Variants in KLHL29 observed in about 807,000 individuals in gnomAD.
KLHL29 encodes kelch-like protein 29.
Under a neutral mutation model 80.4 loss-of-function variants are expected in KLHL29, and 21 were observed. The ratio of observed to expected loss-of-function variants is 0.26; its 90% CI spans 0.19 to 0.38. The LOEUF (loss-of-function observed/expected upper bound fraction) is 0.38, where lower values mean the gene tolerates loss of function less well. Ranked by LOEUF, KLHL29 falls within the 10% of genes least tolerant of loss-of-function variation. KLHL29 has a pLI of 1.00. For synonymous variants in KLHL29, 511 were observed against 526.8 expected (o/e 0.97, Z 0.41); for missense variants, 867 against 1,223.9 (o/e 0.71, Z 4.35).
At chr2:23,666,156 ACTCCCTGCCCTCAGGGGG>A (rs775448859) in intron 5 of KLHL29, among the ~76,000 whole-genome samples, 5 of 152,170 alleles carry the variant, frequency 3.3e-5, no homozygotes, top group Non-Finnish European at 5.9e-5. Flanking sequence ...AACAAACCAA[ACTCCCTGCCCTCAGGGGG>A]CTCATATTTG....
rs1192505232 is a variant in KLHL29, at chr2:23,708,320, A to G, written c.*1656A>G. On this transcript the variant is annotated 3_prime_UTR_variant, in exon 14 of 14. Transcript: ENST00000486442. ...GTCATTTAAAGTATTTATGTCAAAC[A>G]GGGTGCAAGTGTGAACCCAAGGACT... 3 of 152,256 alleles carry G rather than the reference A, an allele frequency of 2.0e-5. No individual in the cohort carries two copies. The highest frequency in any genetic ancestry group is 4.4e-5 in the Non-Finnish European group (3 of 68,046). 9.4% of individuals were successfully genotyped at this position (152,256 alleles called of 1,614,324 possible). A position where few individuals can be genotyped will look rare whatever the true frequency, so the allele number is the denominator to read the frequency against.
rs1671914067 is a variant in KLHL29, at chr2:23,695,776, C to T, written c.1696C>T (p.Arg566Cys). 1.9e-6 allele frequency: 3 copies of T among 1,551,278 alleles called. No homozygotes were observed. The highest frequency in any genetic ancestry group is 2.6e-6 in the Non-Finnish European group (3 of 1,146,976). The change falls in exon 9 of 14, where the codon CGC becomes TGC. Residue 566 changes from arginine (R) to cysteine (C), a missense_variant. Arg to Cys is a radical substitution (Grantham distance 180). Around this residue, in one of 2 missense-constraint regions of KLHL29, gnomAD observed 443 missense variants for 767.0 expected, o/e 0.58. Coordinates refer to ENST00000486442, the MANE Select transcript of KLHL29 (RefSeq NM_052920.2). This position sits in a 1 kb window ranked among gnomAD's most constrained non-coding sequence, Gnocchi z 7.6. The part of the protein sequence containing the change: ...AKRYHMLPHA[R>C]QEMQTPRTRP... ...ACGCTACCATATGCTGCCCCACGCC[C>T]GCCAGGAGATGCAGACGCCCCGAAC...
intron 1 of KLHL29, among the ~76,000 whole-genome samples, chr2:23,413,573 A>G (rs1291880010): frequency 1.3e-5 from 2 of 152,132 alleles, no homozygotes; most frequent in Non-Finnish European, 2.9e-5. Context: ...ATGCCTCTCT[A>G]ATGCCAAAAT....
At chr2:23,445,599 G>A (rs536860453) in intron 1 of KLHL29, among the ~76,000 whole-genome samples, 39 of 152,280 alleles carry the variant, frequency 2.6e-4, no homozygotes, top group African/African-American at 8.7e-4. Context: ...ATGTCATTTC[G>A]TACATGTGAA....
chr2:23,402,852 ATGTG>A (rs57214088), intron 1 of KLHL29, among the ~76,000 whole-genome samples: 1 of 151,486 alleles, frequency 6.6e-6, no homozygotes, highest in Non-Finnish European at 1.5e-5. Context: ...TTTCTTATAT[ATGTG>A]TGTGTATATA....
At chr2:23,606,197 A>AGAGG (rs1170867353) in intron 3 of KLHL29, among the ~76,000 whole-genome samples, 12 of 150,750 alleles carry the variant, frequency 8.0e-5, no homozygotes, top group Non-Finnish European at 1.3e-4. Context: ...AGGGAGAGAG[A>AGAGG]GAGGGAGAGA....
rs535795452 is a variant in KLHL29 at position 23,642,783 on chromosome 2, C to T, written c.873C>T (p.His291=). Residue 291 remains histidine (H), a synonymous_variant, in exon 5 of 14, where the codon CAC becomes CAT. Coordinates refer to ENST00000486442, the MANE Select transcript of KLHL29 (RefSeq NM_052920.2). The part of the protein sequence containing the change: ...TNGPPTTDSA[H]GLQMLRTIGV... ...GGCCCCCCACAACCGACTCGGCCCA[C>T]GGGCTGCAGATGCTGCGGACCATTG... 6.5e-5 allele frequency: 101 copies of T among 1,550,450 alleles called. 1 individual carries two copies. Among genetic ancestry groups the T allele is most frequent in the African/African-American group, 8.2e-5 (6 of 73,184 alleles).
chr2:23,563,685 G>C (rs913605646), intron 3 of KLHL29, among the ~76,000 whole-genome samples: 1 of 152,194 alleles, frequency 6.6e-6, no homozygotes, highest in African/African-American at 2.4e-5. Flanking sequence ...CTCCCTTTCA[G>C]CCCTGCTTCC....
rs1405105868 is a variant in KLHL29, at chr2:23,649,448, A to G, written c.940+6598A>G. Among the ~76,000 whole-genome samples, 26 of 152,094 alleles carry G rather than the reference A, an allele frequency of 1.7e-4. 1 individual carries two copies. The highest frequency in any genetic ancestry group is 1.6e-3 in the Admixed American group (25 of 15,286). On this transcript the variant is annotated intron_variant, in intron 5 of 13. Coordinates refer to ENST00000486442, the MANE Select transcript of KLHL29 (RefSeq NM_052920.2). The stretch of plus-strand genomic sequence containing the variant: ...CAGGGCTTAACGGTTTTGTTAACAG[A>G]TCATTTGACTATGAGTGAACCAGGC...
chr2:23,463,222 CTT>C (rs149100388), intron 1 of KLHL29, among the ~76,000 whole-genome samples: 1 of 119,958 alleles, frequency 8.3e-6, no homozygotes, highest in African/African-American at 3.1e-5. Context: ...GTGTTTTTGG[CTT>C]TTTTTTTTTT....
intron 1 of KLHL29, among the ~76,000 whole-genome samples, chr2:23,408,219 A>C (rs994276977): frequency 7.7e-6 from 1 of 129,282 alleles, no homozygotes; most frequent in African/African-American, 2.9e-5. Context: ...ACTATGTCTG[A>C]CATATCTTGT....
At chr2:23,498,961 C>T (rs1243347381) in intron 2 of KLHL29, among the ~76,000 whole-genome samples, 5 of 152,102 alleles carry the variant, frequency 3.3e-5, no homozygotes, top group South Asian at 4.2e-4. Flanking sequence ...AAAATCAGAC[C>T]GAATGGCTGA....
intron 3 of KLHL29, among the ~76,000 whole-genome samples, chr2:23,576,317 A>C (rs1340752709): frequency 3.3e-5 from 5 of 151,982 alleles, no homozygotes; most frequent in African/African-American, 1.2e-4. Flanking sequence ...AAAAAAAAAA[A>C]AAAAAAACGA....
chr2:23,663,660 G>T (rs1411425837), intron 5 of KLHL29, among the ~76,000 whole-genome samples: 1 of 152,242 alleles, frequency 6.6e-6, no homozygotes, highest in Admixed American at 6.5e-5. Context: ...TTGACTGAGC[G>T]ATTGCCGTTG....
intron 1 of KLHL29, among the ~76,000 whole-genome samples, chr2:23,434,215 G>A (rs1663270320): frequency 6.6e-6 from 1 of 151,702 alleles, no homozygotes; most frequent in Non-Finnish European, 1.5e-5. Context: ...CAGCTACTTG[G>A]GAGGCTGAGG....
rs955468433 is a variant in KLHL29 at position 23,706,835 on chromosome 2, C to T, written c.*171C>T. 10 of 545,728 alleles carry T rather than the reference C, an allele frequency of 1.8e-5. No individual in the cohort carries two copies. Among genetic ancestry groups the T allele is most frequent in the African/African-American group, 1.8e-4 (9 of 51,208 alleles). 33.8% of individuals were successfully genotyped at this position (545,728 alleles called of 1,614,324 possible). A position where few individuals can be genotyped will look rare whatever the true frequency, so the allele number is the denominator to read the frequency against. ...ATTGAATGTAGAAAATCATCCTCGC[C>T]TTTGGATGAAACGGAGGCACCGCGC... On this transcript the variant is annotated 3_prime_UTR_variant, in exon 14 of 14. Coordinates refer to ENST00000486442, the MANE Select transcript of KLHL29 (RefSeq NM_052920.2).
At chr2:23,651,201 A>G (rs547959152) in intron 5 of KLHL29, among the ~76,000 whole-genome samples, 160 of 152,236 alleles carry the variant, frequency 1.1e-3, no homozygotes, top group Non-Finnish European at 1.9e-3. Context: ...TTAAAAAAGA[A>G]TATATGTTTA....
chr2:23,598,914 G>C (rs1334605184), intron 3 of KLHL29, among the ~76,000 whole-genome samples: 3 of 152,248 alleles, frequency 2.0e-5, no homozygotes, highest in Admixed American at 2.0e-4. Context: ...GCTGGGGGTA[G>C]AGCAGTGTGG....
chr2:23,392,374 ACC>A (rs1666340785), intron 1 of KLHL29, among the ~76,000 whole-genome samples: 1 of 152,194 alleles, frequency 6.6e-6, no homozygotes, highest in Non-Finnish European at 1.5e-5. Flanking sequence ...AGTTAAAAAT[ACC>A]CTTGAGTTGA....
Sources: allele counts gnomAD v4.1 joint callset (sites outside exome capture counted in the v4.1 genomes callset), GRCh38; gene constraint gnomAD v4.1.1; regional missense constraint gnomAD v4.1.1; non-coding constraint Gnocchi (gnomAD v3.1); transcripts MANE v1.5; gene names NCBI Gene and HGNC (gene_info 2026-07-23, HGNC 2026-07-21).